The following PTCHD4 variants were observed in gnomAD, a reference collection of about 807,000 sequenced individuals.
PTCHD4 encodes the protein patched domain-containing protein 4.
Under a neutral mutation model 58.1 loss-of-function variants are expected in PTCHD4, and 33 were observed. That is an observed-to-expected ratio of 0.57 (90% confidence interval 0.43 to 0.76). PTCHD4 has a LOEUF of 0.76. Ranked by LOEUF, PTCHD4 falls within the 30% of genes least tolerant of loss-of-function variation. PTCHD4 has a pLI of 0.00. For missense variants in PTCHD4, 1,058 were observed against 1,027.1 expected (o/e 1.03, Z -0.41); for synonymous variants, 478 against 409.6 (o/e 1.17, Z -2.02).
intron 4 of PTCHD4, among the ~76,000 whole-genome samples, chr6:47,941,016 C>T (rs984622382): frequency 2.0e-4 from 31 of 152,162 alleles, no homozygotes; most frequent in African/African-American, 7.0e-4. Flanking sequence ...GCCTACACAG[C>T]CACCATATCA....
At chr6:47,993,646 G>T (rs913349660) in intron 4 of PTCHD4, among the ~76,000 whole-genome samples, 2 of 152,168 alleles carry the variant, frequency 1.3e-5, no homozygotes, top group African/African-American at 4.8e-5. Context: ...AGCTGGGTTG[G>T]TAGAGAGTAG....
intron 4 of PTCHD4, among the ~76,000 whole-genome samples, chr6:47,993,522 G>C (rs952408833): frequency 6.6e-6 from 1 of 152,160 alleles, no homozygotes; most frequent in African/African-American, 2.4e-5. Context: ...AGGACTTTGT[G>C]AACTTGAGAT....
intron 4 of PTCHD4, among the ~76,000 whole-genome samples, chr6:48,002,535 C>T (rs1768772287): frequency 6.6e-6 from 1 of 151,212 alleles, no homozygotes; most frequent in African/African-American, 2.4e-5. Flanking sequence ...CGCATGTTCT[C>T]ACTCATAGGT....
At chr6:47,973,963 T>C (rs1466644895) in intron 4 of PTCHD4, among the ~76,000 whole-genome samples, 1 of 152,210 alleles carries the variant, frequency 6.6e-6, no homozygotes, top group East Asian at 1.9e-4. Flanking sequence ...TTGCCACTGA[T>C]GTGAGTCTCT....
chr6:47,935,586 A>G (rs866881177), intron 4 of PTCHD4, among the ~76,000 whole-genome samples: 24 of 152,294 alleles, frequency 1.6e-4, no homozygotes, highest in Middle Eastern at 3.4e-3. Context: ...TACCAAATAC[A>G]CATACATATA....
chr6:48,044,316 C>T (rs1373416375), intron 3 of PTCHD4, among the ~76,000 whole-genome samples: 2 of 151,742 alleles, frequency 1.3e-5, no homozygotes. Context: ...AAATTACTTC[C>T]AAATTGAGTG....
Position 47,877,604 on chromosome 6 carries a change from GAC to G in PTCHD4, c.*697_*698del, listed in dbSNP as rs1323042599. Among the ~76,000 whole-genome samples the G allele has an allele frequency of 6.6e-6, 1 of 151,996 alleles. No individual in the cohort carries two copies. Among genetic ancestry groups the G allele is most frequent in the Admixed American group, 6.6e-5 (1 of 15,230 alleles). On this transcript the variant is annotated 3_prime_UTR_variant, in exon 5 of 5. Transcript: ENST00000339488. ...TATTTTGCTCATCCCACAGTTGAAT[GAC>G]ACACTGACTGCTGAGACACTTGGGT...
intron 1 of PTCHD4, among the ~76,000 whole-genome samples, chr6:48,074,015 C>G (rs1000554105): frequency 6.6e-6 from 1 of 152,054 alleles, no homozygotes; most frequent in Non-Finnish European, 1.5e-5. Context: ...TTACATCAGA[C>G]TTTTTCTGCC....
rs1376743635 is a variant in PTCHD4 at position 47,864,261 on chromosome 6, A to G, written c.*14042T>C. On this transcript the variant is annotated 3_prime_UTR_variant, in exon 5 of 5. Transcript: ENST00000339488. ...TCCAGGTGATTTTGATACATGCTTA[A>G]GTGGGAGAATCGCTGCTCTATAAAT... Among the ~76,000 whole-genome samples, 1 of 151,658 alleles carries G rather than the reference A, an allele frequency of 6.6e-6. No homozygotes were observed. Among genetic ancestry groups the G allele is most frequent in the Non-Finnish European group, 1.5e-5 (1 of 67,852 alleles).
At chr6:48,085,041 C>A (rs1298906433) in intron 1 of PTCHD4, among the ~76,000 whole-genome samples, 3 of 149,386 alleles carry the variant, frequency 2.0e-5, no homozygotes, top group Non-Finnish European at 3.0e-5. Flanking sequence ...ACCCAACCAG[C>A]AAGAGTACTT....
chr6:47,915,522 C>T (rs574769498), intron 4 of PTCHD4, among the ~76,000 whole-genome samples: 12 of 150,700 alleles, frequency 8.0e-5, no homozygotes, highest in Non-Finnish European at 1.3e-4. Context: ...GTGGAAAGTT[C>T]CAAAAGGCTC....
chr6:47,881,318 T>G (rs1764015579), intron 4 of PTCHD4, among the ~76,000 whole-genome samples: 1 of 152,176 alleles, frequency 6.6e-6, no homozygotes, highest in African/African-American at 2.4e-5. Flanking sequence ...TCCCTTTCTT[T>G]TATTTGAGAC....
At chr6:48,017,996 A>G (rs1000437907) in intron 3 of PTCHD4, among the ~76,000 whole-genome samples, 1 of 152,184 alleles carries the variant, frequency 6.6e-6, no homozygotes, top group Admixed American at 6.5e-5. Context: ...AGGCATTGAG[A>G]AGATTGAATG....
intron 4 of PTCHD4, among the ~76,000 whole-genome samples, chr6:47,903,848 C>T (rs890060171): frequency 6.6e-6 from 1 of 152,102 alleles, no homozygotes; most frequent in Non-Finnish European, 1.5e-5. Context: ...TTAGAAGCAT[C>T]TGGGGTGTGA....
intron 3 of PTCHD4, among the ~76,000 whole-genome samples, chr6:48,030,929 G>T (rs948305170): frequency 1.3e-5 from 2 of 151,982 alleles, no homozygotes; most frequent in African/African-American, 4.8e-5. Context: ...AGTCCCAAAA[G>T]GTGACTCAGA....
intron 4 of PTCHD4, among the ~76,000 whole-genome samples, chr6:47,969,280 C>CT (rs1767412912): frequency 1.3e-5 from 2 of 152,226 alleles, no homozygotes; most frequent in Admixed American, 1.3e-4. Context: ...TGTACTCCTA[C>CT]TAGTCACCTG....
intron 4 of PTCHD4, among the ~76,000 whole-genome samples, chr6:47,935,544 C>T (rs1419211205): frequency 6.6e-6 from 1 of 152,088 alleles, no homozygotes; most frequent in Non-Finnish European, 1.5e-5. Flanking sequence ...GGCCTCAAAC[C>T]CCAAGAAAGC....
At chr6:47,965,716 C>G (rs1441548700) in intron 4 of PTCHD4, among the ~76,000 whole-genome samples, 1 of 152,128 alleles carries the variant, frequency 6.6e-6, no homozygotes, top group Non-Finnish European at 1.5e-5. Context: ...ATCACGAGGT[C>G]AGGAAATCGA....
intron 3 of PTCHD4, among the ~76,000 whole-genome samples, chr6:48,055,832 C>A (rs1422233106): frequency 6.6e-6 from 1 of 152,222 alleles, no homozygotes; most frequent in African/African-American, 2.4e-5. Context: ...GTTATGCAGG[C>A]TCTGCCTCAC....
Sources: gnomAD v4.1 joint callset for allele counts (sites outside exome capture counted in the v4.1 genomes callset) on GRCh38, gnomAD v4.1.1 for gene constraint, MANE v1.5 for transcripts, NCBI Gene and HGNC (gene_info 2026-07-23, HGNC 2026-07-21) for gene names.